The following ADAMTS12 variants were observed in gnomAD, a reference collection of about 807,000 sequenced individuals.
The protein encoded by ADAMTS12 is A disintegrin and metalloproteinase with thrombospondin motifs 12.
Under a neutral mutation model 167.8 loss-of-function variants are expected in ADAMTS12, and 118 were observed. The observed-to-expected ratio is 0.70, with a 90% CI of 0.61 to 0.82. The LOEUF is 0.82. Ranked by LOEUF, ADAMTS12 falls within the 40% of genes least tolerant of loss-of-function variation. ADAMTS12 has a pLI of 0.00. For missense variants in ADAMTS12, 1,916 were observed against 1,998.8 expected, an observed-to-expected ratio of 0.96 and a Z score of 0.79; for synonymous variants, 704 against 716.9, an observed-to-expected ratio of 0.98 and a Z score of 0.29.
intron 2 of ADAMTS12, among the ~76,000 whole-genome samples, chr5:33,798,176 C>A (rs1173118699): frequency 6.6e-6 from 1 of 151,648 alleles, no homozygotes; most frequent in African/African-American, 2.4e-5. Context: ...TGCCTACTTA[C>A]ACTCTCATGA....
rs114712615 is a variant in ADAMTS12 at position 33,628,636 on chromosome 5, T to C, written c.2022+2144A>G. Among the ~76,000 whole-genome samples, 444 of 152,322 alleles carry C rather than the reference T, an allele frequency of 2.9e-3. 1 individual carries two copies. Among genetic ancestry groups the C allele is most frequent in the African/African-American group, 0.01 (424 of 41,576 alleles). On this transcript the variant is annotated intron_variant, in intron 13 of 23. Transcript: ENST00000504830. Reference sequence around the variant, plus strand: ...ACAAACACTGCATACATTGTTTTCCTGAAAGCATATACTTTTATGTAATAC... The same window carrying C: ...ACAAACACTGCATACATTGTTTTCCCGAAAGCATATACTTTTATGTAATAC...
chr5:33,564,780 C>T (rs894421332), intron 19 of ADAMTS12, among the ~76,000 whole-genome samples: 1 of 152,268 alleles, frequency 6.6e-6, no homozygotes, highest in Admixed American at 6.5e-5. Flanking sequence ...CTAGTTGCCG[C>T]CCCTTCCCCA....
chr5:33,619,705 A>T (rs909667389), intron 14 of ADAMTS12, among the ~76,000 whole-genome samples: 9 of 151,554 alleles, frequency 5.9e-5, no homozygotes, highest in Middle Eastern at 3.2e-3. Flanking sequence ...TTATTTATTA[A>T]TTTTTTTTGA....
chr5:33,730,350 G>T (rs1266495190), intron 3 of ADAMTS12, among the ~76,000 whole-genome samples: 9 of 150,200 alleles, frequency 6.0e-5, no homozygotes, highest in Non-Finnish European at 1.2e-4. Context: ...GTGTATGTGT[G>T]TGGTAAGATT....
intron 2 of ADAMTS12, among the ~76,000 whole-genome samples, chr5:33,760,648 C>A (rs1025922261): frequency 6.6e-6 from 1 of 152,206 alleles, no homozygotes; most frequent in Admixed American, 6.5e-5. Flanking sequence ...GGAGCATCAA[C>A]TAAGAGACAC....
At chr5:33,684,172 A>G (rs1051992530) in intron 3 of ADAMTS12, 117 bp from the exon 4 acceptor site, 2 of 786,792 alleles carry the variant, frequency 2.5e-6, no homozygotes, top group African/African-American at 3.6e-5. Flanking sequence ...TATAAACGCA[A>G]TGTTTTTACG....
intron 3 of ADAMTS12, among the ~76,000 whole-genome samples, chr5:33,687,884 G>C (rs1742393694): frequency 6.6e-6 from 1 of 152,098 alleles, no homozygotes; most frequent in South Asian, 2.1e-4. Context: ...TCAGGTGAGG[G>C]GCTGATGATT....
In ADAMTS12 at chr5:33,577,086, A is replaced by G. The variant is rs748039989; in HGVS notation, c.2940T>C (p.Asp980=). ...TCAKNHDEPC[D]VTRKPNSRAL... is the part of the protein sequence containing the mutation. ...CTCGGCTGTTGGGTTTCCTTGTCACATCGCAAGGTTCATCATGGTTCTTGG... is the reference window on the plus strand; with the variant it reads ...CTCGGCTGTTGGGTTTCCTTGTCACGTCGCAAGGTTCATCATGGTTCTTGG... Residue 980 remains aspartate, a synonymous_variant, in exon 19 of 24, where the codon GAT becomes GAC. Coordinates refer to ENST00000504830, the MANE Select transcript of ADAMTS12 (RefSeq NM_030955.4). 3 of 1,614,192 alleles carry G rather than the reference A, an allele frequency of 1.9e-6. No individual in the cohort carries two copies. The highest frequency in any genetic ancestry group is 2.5e-6 in the Non-Finnish European group (3 of 1,180,006).
At chr5:33,819,007 T>C (rs1333046111) in intron 2 of ADAMTS12, among the ~76,000 whole-genome samples, 1 of 152,144 alleles carries the variant, frequency 6.6e-6, no homozygotes, top group Non-Finnish European at 1.5e-5. Context: ...AGTTATATAG[T>C]TTACAAATTT....
intron 3 of ADAMTS12, among the ~76,000 whole-genome samples, chr5:33,697,191 A>G (rs1346296703): frequency 1.3e-5 from 2 of 152,190 alleles, no homozygotes; most frequent in African/African-American, 4.8e-5. Flanking sequence ...ATATTCAGAA[A>G]CTGCCGGGCT....
In ADAMTS12 at chr5:33,739,328, C is replaced by T. The variant is rs1445206805; in HGVS notation, c.634+12076G>A. Among the ~76,000 whole-genome samples the T allele has an allele frequency of 2.6e-5, 4 of 152,172 alleles. No individual in the cohort carries two copies. In the East Asian group the frequency reaches 7.7e-4, roughly 29 times the overall value. On this transcript the variant is annotated intron_variant, in intron 3 of 23. Coordinates refer to ENST00000504830, the MANE Select transcript of ADAMTS12 (RefSeq NM_030955.4). ...TCCATACACACACACACACACTACG[C>T]ACAGCCCCCACTGGGCTGAGTTTAG...
chr5:33,681,462 A>T (rs1742110614), intron 5 of ADAMTS12, among the ~76,000 whole-genome samples: 2 of 152,048 alleles, frequency 1.3e-5, no homozygotes, highest in African/African-American at 2.4e-5. Flanking sequence ...ATTACATTTC[A>T]CTTCATTCAT....
At chr5:33,671,478 A>T (rs1741690061) in intron 5 of ADAMTS12, among the ~76,000 whole-genome samples, 1 of 152,204 alleles carries the variant, frequency 6.6e-6, no homozygotes. Context: ...CTGCATGTGA[A>T]TGTACAATGA....
At chr5:33,665,855 T>A (rs1225959422) in intron 5 of ADAMTS12, among the ~76,000 whole-genome samples, 2 of 152,122 alleles carry the variant, frequency 1.3e-5, no homozygotes, top group Non-Finnish European at 2.9e-5. Flanking sequence ...GGGGATCACA[T>A]CTCTCAGGGG....
At chr5:33,771,579 A>C (rs1745737469) in intron 2 of ADAMTS12, among the ~76,000 whole-genome samples, 1 of 152,118 alleles carries the variant, frequency 6.6e-6, no homozygotes, top group Admixed American at 6.5e-5. Flanking sequence ...CAAAAATAGA[A>C]TTTGTTTAAC....
At position 33,630,765 on chromosome 5, in the gene ADAMTS12, A is replaced by G; in HGVS notation, c.2022+15T>C. 3 of 1,602,106 alleles carry G rather than the reference A, an allele frequency of 1.9e-6. No homozygotes were observed. Among genetic ancestry groups the G allele is most frequent in the Non-Finnish European group, 2.6e-6 (3 of 1,170,766 alleles). On this transcript the variant is annotated intron_variant, in intron 13 of 23. Transcript: ENST00000504830. Reference sequence around the variant, plus strand: ...GATTTTATAAAGTTGTAGATTAAGGAAACATACCCAATACCTTACATATGC... The same window carrying G: ...GATTTTATAAAGTTGTAGATTAAGGGAACATACCCAATACCTTACATATGC...
At chr5:33,530,427 G>A (rs1029417702) in intron 23 of ADAMTS12, among the ~76,000 whole-genome samples, 2 of 152,206 alleles carry the variant, frequency 1.3e-5, no homozygotes, top group Non-Finnish European at 2.9e-5. Flanking sequence ...TCCTTCCCGG[G>A]CTCTGGGAAG....
chr5:33,822,365 G>A (rs1383532043), intron 2 of ADAMTS12, among the ~76,000 whole-genome samples: 1 of 152,086 alleles, frequency 6.6e-6, no homozygotes, highest in Admixed American at 6.6e-5. Context: ...CACAGCCCTG[G>A]GAGGAAGACT....
Position 33,760,965 on chromosome 5 carries a change from T to C in ADAMTS12, c.490-9417A>G, listed in dbSNP as rs75092328. Among the ~76,000 whole-genome samples the C allele has an allele frequency of 7.4e-4, 113 of 152,088 alleles. No homozygotes were observed. In the East Asian group the frequency reaches 0.02, roughly 26 times the overall value. On this transcript the variant is annotated intron_variant, in intron 2 of 23. Coordinates refer to ENST00000504830, the MANE Select transcript of ADAMTS12 (RefSeq NM_030955.4). Reference sequence around the variant, plus strand: ...GCAATCCATAAACCCACATTTGCCATGTCTCACCAAAAAATAAAATGTCCG... The same window carrying C: ...GCAATCCATAAACCCACATTTGCCACGTCTCACCAAAAAATAAAATGTCCG...
Sources: allele counts gnomAD v4.1 joint callset (sites outside exome capture counted in the v4.1 genomes callset), GRCh38; gene constraint gnomAD v4.1.1; transcripts MANE v1.5; gene names NCBI Gene and HGNC (gene_info 2026-07-23, HGNC 2026-07-21).